The following PDPN variants were observed in gnomAD, a reference collection of about 807,000 sequenced individuals.
PDPN encodes podoplanin.
Under a neutral mutation model 23.2 loss-of-function variants are expected in PDPN, and 12 were observed. The ratio of observed to expected loss-of-function variants is 0.52; its 90% confidence interval spans 0.33 to 0.84. The LOEUF (loss-of-function observed/expected upper bound fraction) is 0.84. Among genes scored for constraint, PDPN ranks in the 40% least tolerant of loss-of-function variants. The probability of loss-of-function intolerance (pLI) is 0.02; values close to 1 mark genes in which losing one functional copy is unlikely to be tolerated. For missense variants in PDPN, 199 were observed against 212.2 expected (o/e 0.94, Z 0.39); for synonymous variants, 77 against 76.7 (o/e 1.00, Z -0.02).
intron 3 of PDPN, among the ~76,000 whole-genome samples, chr1:13,610,892 C>G (rs191315374): frequency 6.6e-6 from 1 of 152,320 alleles, no homozygotes; most frequent in Non-Finnish European, 1.5e-5. Flanking sequence ...ATACTTAGCA[C>G]GTTACCTTGA....
intron 2 of PDPN, among the ~76,000 whole-genome samples, chr1:13,607,966 G>C (rs542567351): frequency 6.6e-6 from 1 of 152,074 alleles, no homozygotes; most frequent in Admixed American, 6.6e-5. Context: ...TTAGCTGGGC[G>C]TGGCTGTGTG....
At chr1:13,600,126 G>A (rs1237689879) in intron 1 of PDPN, among the ~76,000 whole-genome samples, 1 of 152,186 alleles carries the variant, frequency 6.6e-6, no homozygotes, top group African/African-American at 2.4e-5. Context: ...ACCAGGGGAA[G>A]CAATTGTTCC....
Position 13,614,431 on chromosome 1 carries a change from C to G in PDPN, c.482+20C>G, listed in dbSNP as rs199615170. ...GTACTCGTAAGTAAATAGCTTACAC[C>G]CATGTGATAGGCAAATGAAAGCCAT... On this transcript the variant is annotated intron_variant, in intron 5 of 5. Coordinates refer to ENST00000621990, the MANE Select transcript of PDPN (RefSeq NM_006474.5). 1.7e-6 allele frequency: 2 copies of G among 1,175,570 alleles called. No individual in the cohort carries two copies. The highest frequency in any genetic ancestry group is 2.5e-6 in the Non-Finnish European group (2 of 785,004). The allele number at this position is 1,175,570 out of a possible 1,614,324, so 72.8% of individuals were successfully genotyped here.
chr1:13,598,236 C>A (rs917028032), intron 1 of PDPN, among the ~76,000 whole-genome samples: 22 of 151,968 alleles, frequency 1.4e-4, no homozygotes, highest in Non-Finnish European at 1.3e-4. Flanking sequence ...AGACTGGTCG[C>A]TAACCCCTCA....
At chr1:13,590,344 T>G (rs1640307162) in intron 1 of PDPN, among the ~76,000 whole-genome samples, 1 of 152,230 alleles carries the variant, frequency 6.6e-6, no homozygotes, top group South Asian at 2.1e-4. Context: ...GACAGGTGCG[T>G]GTTTTCTACA....
intron 1 of PDPN, among the ~76,000 whole-genome samples, chr1:13,588,280 C>T (rs887848845): frequency 1.3e-5 from 2 of 152,070 alleles, no homozygotes; most frequent in Admixed American, 1.3e-4. Context: ...TTAATGTTTG[C>T]AGCATGTACA....
Position 13,605,919 on chromosome 1 carries a change from C to T in PDPN, c.68-1254C>T, listed in dbSNP as rs991072113. Among the ~76,000 whole-genome samples the T allele has an allele frequency of 1.1e-4, 16 of 152,236 alleles. No homozygotes were observed. The South Asian group carries it at 1.7e-3, about 16-fold the overall frequency. On this transcript the variant is annotated intron_variant, in intron 1 of 5. Coordinates refer to ENST00000621990, the MANE Select transcript of PDPN (RefSeq NM_006474.5). ...TACAGGCGTGAGCCACCACACCTGG[C>T]CCAGAAACCTTTCTCATTGGCATGA... is the stretch of plus-strand genomic sequence containing the variant.
intron 1 of PDPN, among the ~76,000 whole-genome samples, chr1:13,590,257 C>CT (rs1332685621): frequency 6.6e-6 from 1 of 152,246 alleles, no homozygotes; most frequent in East Asian, 1.9e-4. Context: ...TCCCTGTCCC[C>CT]TTAAGCATTT....
intron 1 of PDPN, among the ~76,000 whole-genome samples, chr1:13,602,118 A>G (rs1290739584): frequency 6.6e-6 from 1 of 152,106 alleles, no homozygotes; most frequent in Non-Finnish European, 1.5e-5. Flanking sequence ...CAAGGTCAGG[A>G]GATTGAGACC....
intron 3 of PDPN, among the ~76,000 whole-genome samples, chr1:13,612,109 G>A (rs1489636163): frequency 3.3e-5 from 3 of 91,572 alleles, no homozygotes; most frequent in African/African-American, 1.1e-4. Context: ...TCACAAAATT[G>A]CCCCTTCCTG....
chr1:13,585,364 CTT>C (rs1177007133), intron 1 of PDPN: 2 of 555,516 alleles, frequency 3.6e-6, no homozygotes, highest in African/African-American at 4.0e-5. Flanking sequence ...CTGAGCAACT[CTT>C]TTTATAGGGG....
intron 1 of PDPN, among the ~76,000 whole-genome samples, chr1:13,599,299 A>G (rs1640579339): frequency 6.7e-6 from 1 of 149,966 alleles, no homozygotes; most frequent in African/African-American, 2.5e-5. Flanking sequence ...GGCGTAAGCC[A>G]CCATGCCCGG....
chr1:13,594,887 C>G (rs374358777), intron 1 of PDPN, among the ~76,000 whole-genome samples: 3 of 150,606 alleles, frequency 2.0e-5, no homozygotes, highest in African/African-American at 7.3e-5. Flanking sequence ...CCCAGCTACT[C>G]GGGAGGCTGA....
At chr1:13,610,602 A>C in intron 3 of PDPN, 86 bp downstream of exon 3, 1 of 1,323,256 alleles carries the variant, frequency 7.6e-7, no homozygotes, top group Non-Finnish European at 1.1e-6. Context: ...TAGAATAATC[A>C]ATAGGGGGCA....
chr1:13,606,224 A>T (rs1198292853), intron 1 of PDPN, among the ~76,000 whole-genome samples: 1 of 151,668 alleles, frequency 6.6e-6, no homozygotes, highest in East Asian at 2.0e-4. Context: ...TCCTGACCTC[A>T]AATTCCTGAC....
intron 1 of PDPN, among the ~76,000 whole-genome samples, chr1:13,591,781 G>C (rs1391373672): frequency 6.6e-6 from 1 of 152,212 alleles, no homozygotes; most frequent in East Asian, 1.9e-4. Flanking sequence ...GACAGCCTCA[G>C]ATTCCTGGGC....
chr1:13,591,536 C>T (rs571566936), intron 1 of PDPN, among the ~76,000 whole-genome samples: 73 of 152,236 alleles, frequency 4.8e-4, no homozygotes, highest in Admixed American at 7.8e-4. Context: ...AGACCCTGAC[C>T]GCCATCGATC....
chr1:13,616,612 C>G lies in PDPN; in HGVS notation c.*701C>G, dbSNP rs1157894496. On this transcript the variant is annotated 3_prime_UTR_variant, in exon 6 of 6. Transcript: ENST00000621990. ...CAGGCAGCCTCTAGAGTTGCTTTAC[C>G]CAAATCCTTCTCCAGCCATGACTTG... The G allele has an allele frequency of 6.6e-6, 1 of 152,450 alleles. No individual in the cohort carries two copies. The highest frequency in any genetic ancestry group is 1.5e-5 in the Non-Finnish European group (1 of 68,256). 9.4% of individuals were successfully genotyped at this position (152,450 alleles called of 1,614,324 possible).
intron 1 of PDPN, among the ~76,000 whole-genome samples, chr1:13,589,964 A>C (rs1640294154): frequency 6.6e-6 from 1 of 152,102 alleles, no homozygotes; most frequent in Non-Finnish European, 1.5e-5. Context: ...AGTAGCTGGG[A>C]TTACAGGCAT....
Sources: allele counts gnomAD v4.1 joint callset (sites outside exome capture counted in the v4.1 genomes callset), GRCh38; gene constraint gnomAD v4.1.1; transcripts MANE v1.5; gene names NCBI Gene and HGNC (gene_info 2026-07-23, HGNC 2026-07-21).